The following ZNF385C variants were observed in gnomAD, a reference collection of about 807,000 sequenced individuals.
ZNF385C encodes zinc finger protein 385C.
ZNF385C carries 28 observed loss-of-function variants against 35.4 expected under a neutral mutation model. The ratio of observed to expected loss-of-function variants is 0.79; its 90% CI spans 0.59 to 1.08. The LOEUF (loss-of-function observed/expected upper bound fraction) is 1.08, where lower values mean the gene tolerates loss of function less well. ZNF385C is among the 50% of genes least tolerant of loss of function. The probability of loss-of-function intolerance (pLI) is 0.00; values close to 1 mark genes in which losing one functional copy is unlikely to be tolerated. For missense variants in ZNF385C, 605 were observed against 595.6 expected, an observed-to-expected ratio of 1.02 and a Z score of -0.16; for synonymous variants, 248 against 248.2, an observed-to-expected ratio of 1.00 and a Z score of 0.01.
At chr17:42,044,307 C>CAAA (rs57246793) in intron 2 of ZNF385C, among the ~76,000 whole-genome samples, 2 of 70,520 alleles carry the variant, frequency 2.8e-5, no homozygotes, top group Non-Finnish European at 5.1e-5. Context: ...GACCCTGTCT[C>CAAA]AAAAAAAAAA....
At chr17:42,027,347 G>T (rs1445635155) in intron 8 of ZNF385C, among the ~76,000 whole-genome samples, 1 of 152,078 alleles carries the variant, frequency 6.6e-6, no homozygotes, top group Non-Finnish European at 1.5e-5. Context: ...CTCAGCATGG[G>T]AGAAGGGAGG....
At position 42,062,789 on chromosome 17, in the gene ZNF385C, C is replaced by T. The variant is rs1310874812; in HGVS notation, c.250+18G>A. 9 of 522,130 alleles carry T rather than the reference C, an allele frequency of 1.7e-5. No homozygotes were observed. Among genetic ancestry groups the T allele is most frequent in the East Asian group, 3.3e-5 (1 of 30,612 alleles). The allele number at this position is 522,130 out of a possible 1,614,324, so 32.3% of individuals were successfully genotyped here. ...CCCCAAACCAAATTTGTGGGAGCAGCGTCCCCTCTACACTGACCTGGCCCT... is the reference window on the plus strand; with the variant it reads ...CCCCAAACCAAATTTGTGGGAGCAGTGTCCCCTCTACACTGACCTGGCCCT... On this transcript the variant is annotated intron_variant, in intron 2 of 8. Coordinates refer to ENST00000692273, the MANE Select transcript of ZNF385C (RefSeq NM_001392013.1).
chr17:42,031,709 G>A lies in ZNF385C; in HGVS notation c.586C>T (p.Gln196Ter). The change falls in exon 5 of 9, where the codon CAG (glutamine) becomes TAG (stop). Residue 196 changes from glutamine to a stop codon, truncating the protein, a stop_gained. Transcript: ENST00000692273. LOFTEE classifies it high-confidence loss of function. ...LKAVEAAKSK[Q>*]RPHTQAQDGA... ...TCCTGGGCCTGGGTGTGTGGCCTCT[G>A]CTTGCTCTTGGCAGCCTCGACAGCC... The A allele has an allele frequency of 6.4e-7, 1 of 1,550,794 alleles. No homozygotes were observed. Among genetic ancestry groups the A allele is most frequent in the Non-Finnish European group, 8.7e-7 (1 of 1,147,054 alleles).
At chr17:42,097,066 G>A (rs985384549) in intron 1 of ZNF385C, among the ~76,000 whole-genome samples, 2 of 151,784 alleles carry the variant, frequency 1.3e-5, no homozygotes, top group African/African-American at 4.8e-5. Flanking sequence ...CACATGAGGG[G>A]ACACTGGTAC....
intron 2 of ZNF385C, chr17:42,039,305 C>T (rs1555655796): frequency 5.3e-6 from 1 of 188,988 alleles, no homozygotes; most frequent in East Asian, 1.3e-4. Context: ...GACCAAGGAC[C>T]AGTGTCCGTT....
At chr17:42,083,587 A>T (rs1263928752) in intron 1 of ZNF385C, among the ~76,000 whole-genome samples, 2 of 151,808 alleles carry the variant, frequency 1.3e-5, no homozygotes, top group African/African-American at 4.8e-5. Context: ...CAAAGATTTT[A>T]CATTTTACCA....
intron 7 of ZNF385C, 131 bp from the exon 8 acceptor site, chr17:42,027,859 T>C (rs879987922): frequency 8.1e-7 from 1 of 1,227,028 alleles, no homozygotes; most frequent in South Asian, 1.3e-5. Context: ...GTCCTCACCC[T>C]GGGGTAGGCC....
chr17:42,048,161 A>AACCC (rs1194202310), intron 2 of ZNF385C, among the ~76,000 whole-genome samples: 1 of 152,018 alleles, frequency 6.6e-6, no homozygotes, highest in Non-Finnish European at 1.5e-5. Context: ...GAAATACACA[A>AACCC]ACCCAGCCTG....
chr17:42,096,486 G>A (rs373854180), intron 1 of ZNF385C, among the ~76,000 whole-genome samples: 4 of 152,222 alleles, frequency 2.6e-5, no homozygotes, highest in African/African-American at 9.6e-5. Flanking sequence ...TCCCTCCCTT[G>A]CCCAGGTTTA....
At chr17:42,030,081 C>T (rs147515485) in intron 5 of ZNF385C, among the ~76,000 whole-genome samples, 1,794 of 151,898 alleles carry the variant, frequency 0.012, 30 homozygotes, top group Non-Finnish European at 0.017. Context: ...GTGGTATGAT[C>T]CACGGTGGAG....
chr17:42,097,339 C>G (rs2053928824), intron 1 of ZNF385C, among the ~76,000 whole-genome samples: 1 of 152,132 alleles, frequency 6.6e-6, no homozygotes, highest in South Asian at 2.1e-4. Context: ...CTGGCACAGA[C>G]CCAGAAGGGA....
At chr17:42,060,728 T>G (rs782169919) in intron 2 of ZNF385C, among the ~76,000 whole-genome samples, 3 of 152,204 alleles carry the variant, frequency 2.0e-5, no homozygotes, top group African/African-American at 4.8e-5. Context: ...TTATTTTATT[T>G]TTTTTGAGAC....
At chr17:42,084,558 C>T (rs1031952871) in intron 1 of ZNF385C, among the ~76,000 whole-genome samples, 5 of 151,926 alleles carry the variant, frequency 3.3e-5, no homozygotes, top group South Asian at 2.1e-4. Flanking sequence ...TTAATATAAA[C>T]GTTTCACAAT....
rs193198810 is a variant in ZNF385C, at chr17:42,043,190, C to T, written c.251-5305G>A. 1.1e-4 allele frequency: 139 copies of T among 1,232,236 alleles called. No homozygotes were observed. The African/African-American group carries it at 1.9e-3, about 16-fold the overall frequency. 76.3% of individuals were successfully genotyped at this position (1,232,236 alleles called of 1,614,324 possible). On this transcript the variant is annotated intron_variant, in intron 2 of 8. Coordinates refer to ENST00000692273, the MANE Select transcript of ZNF385C (RefSeq NM_001392013.1). ...AAGTTGTCTGTGCCCACAGTGAAGG[C>T]GTTTTCGGCTTTGCCATGCTTGTTC...
At chr17:42,092,430 G>T (rs1567998444) in intron 1 of ZNF385C, among the ~76,000 whole-genome samples, 1 of 152,038 alleles carries the variant, frequency 6.6e-6, no homozygotes, top group Non-Finnish European at 1.5e-5. Context: ...TTTGATCTCT[G>T]CAGGTGCTCA....
At chr17:42,073,653 CACAG>C (rs2053654986) in intron 1 of ZNF385C, among the ~76,000 whole-genome samples, 2 of 152,178 alleles carry the variant, frequency 1.3e-5, no homozygotes, top group Non-Finnish European at 2.9e-5. Flanking sequence ...AGTGGGCACA[CACAG>C]GGGCATGGAG....
At position 42,046,130 on chromosome 17, in the gene ZNF385C, C is replaced by T. The variant is rs567468769; in HGVS notation, c.251-8245G>A. On this transcript the variant is annotated intron_variant, in intron 2 of 8. Transcript: ENST00000692273. Reference sequence around the variant, plus strand: ...GTAGCCATCCTCTAGTTCCCCACAGCTCCCTATGCGTGAGTCTTCATGACA... The same window carrying T: ...GTAGCCATCCTCTAGTTCCCCACAGTTCCCTATGCGTGAGTCTTCATGACA... Among the ~76,000 whole-genome samples the T allele has an allele frequency of 3.3e-5, 5 of 152,328 alleles. No homozygotes were observed. In the East Asian group the frequency reaches 9.6e-4, roughly 29 times the overall value.
intron 7 of ZNF385C, 45 bp from the exon 8 acceptor site, chr17:42,027,773 A>G (rs2052627021): frequency 1.3e-6 from 2 of 1,582,820 alleles, no homozygotes; most frequent in Non-Finnish European, 1.7e-6. Context: ...ACAAAGCCCA[A>G]GGACCCCAAG....
chr17:42,060,761 G>A (rs2053448117), intron 2 of ZNF385C, among the ~76,000 whole-genome samples: 1 of 152,036 alleles, frequency 6.6e-6, no homozygotes, highest in South Asian at 2.1e-4. Context: ...TGTTGCCCCG[G>A]CTGGAGTGCA....
Sources: allele counts gnomAD v4.1 joint callset (sites outside exome capture counted in the v4.1 genomes callset), GRCh38; gene constraint gnomAD v4.1.1; transcripts MANE v1.5; gene names NCBI Gene and HGNC (gene_info 2026-07-23, HGNC 2026-07-21).